Variants in HELB observed in about 807,000 individuals in gnomAD.
HELB encodes DNA 5'-3' helicase B.
Under a neutral mutation model 101.7 loss-of-function variants are expected in HELB, and 96 were observed. The observed-to-expected ratio is 0.94, with a 90% CI of 0.80 to 1.12. The LOEUF (loss-of-function observed/expected upper bound fraction) is 1.12. HELB is among the 50% of genes most tolerant of loss of function. The probability of loss-of-function intolerance (pLI) is 0.00; values close to 1 mark genes in which losing one functional copy is unlikely to be tolerated. For synonymous variants in HELB, 437 were observed against 459.7 expected (o/e 0.95, Z 0.63); for missense variants, 1,210 against 1,291.9 (o/e 0.94, Z 0.97).
chr12:66,334,798 A>C (rs1168326), intron 12 of HELB, among the ~76,000 whole-genome samples: 63,990 of 151,450 alleles, frequency 0.42, 13,902 homozygotes, highest in East Asian at 0.51. Context: ...TAAATAAATA[A>C]ATACATACAT....
At chr12:66,305,218 G>A in intron 2 of HELB, 68 bp downstream of exon 2, 1 of 939,384 alleles carries the variant, frequency 1.1e-6, no homozygotes, top group Non-Finnish European at 1.6e-6. Context: ...TGTTTAAAAT[G>A]TTACCACTAG....
At chr12:66,304,233 A>C (rs1194376350) in intron 1 of HELB, among the ~76,000 whole-genome samples, 1 of 152,256 alleles carries the variant, frequency 6.6e-6, no homozygotes, top group Non-Finnish European at 1.5e-5. Context: ...CTTAGAAGGA[A>C]TGCTAAATAG....
At chr12:66,328,273 G>T (rs2053765499) in intron 11 of HELB, among the ~76,000 whole-genome samples, 1 of 152,096 alleles carries the variant, frequency 6.6e-6, no homozygotes, top group Non-Finnish European at 1.5e-5. Context: ...TTTAAAAATG[G>T]ATACTAGGCT....
Position 66,331,460 on chromosome 12 carries a change from G to A in HELB, c.2977G>A (p.Ala993Thr), listed in dbSNP as rs774078070. The change falls in exon 12 of 13, where the codon GCC (alanine) becomes ACC (threonine). Residue 993 changes from alanine (A) to threonine (T), a missense_variant. Transcript: ENST00000247815. ...ASPLPVVTDH[A>T]MTNDVTWSEA... Reference sequence around the variant, plus strand: ...TCCACTCCCTGTAGTCACAGACCACGCCATGACAAATGATGTCACCTGGAG... The same window carrying A: ...TCCACTCCCTGTAGTCACAGACCACACCATGACAAATGATGTCACCTGGAG... 22 of 1,614,160 alleles carry A rather than the reference G, an allele frequency of 1.4e-5. No homozygotes were observed. The highest frequency in any genetic ancestry group is 1.3e-4 in the Admixed American group (8 of 60,024).
chr12:66,315,311 C>T lies in HELB; in HGVS notation c.1928C>T (p.Ser643Leu). 6.2e-7 allele frequency: 1 copy of T among 1,607,896 alleles called. No homozygotes were observed. The highest frequency in any genetic ancestry group is 8.5e-7 in the Non-Finnish European group (1 of 1,176,774). Residue 643 changes from serine (S) to leucine (L), a missense_variant, in exon 6 of 13, where the codon TCA (serine) becomes TTA (leucine). By Grantham distance (145) the Ser-to-Leu change is moderately radical. This residue lies in a region of HELB where 740 missense variants were observed against 728.8 expected (regional missense o/e 1.02). Transcript: ENST00000247815. ...AAAGATCTTTTTGAGACTCTTAAGT[C>T]AAGAAATTGTGCTATTGAGCTAAAG... Reference protein sequence around the residue: ...LLKDLFETLKSRNCAIELKTN... With the variant: ...LLKDLFETLKLRNCAIELKTN...
Position 66,324,201 on chromosome 12 carries a change from T to C in HELB, c.2516T>C (p.Phe839Ser). The C allele has an allele frequency of 1.2e-6, 2 of 1,601,364 alleles. No homozygotes were observed. Among genetic ancestry groups the C allele is most frequent in the Non-Finnish European group, 1.7e-6 (2 of 1,170,016 alleles). The change falls in exon 10 of 13, where the codon TTC (phenylalanine) becomes TCC (serine). Residue 839 changes from phenylalanine (F) to serine (S), a missense_variant. By Grantham distance (155) the Phe-to-Ser change is radical (BLOSUM62 -2). This residue lies in a region of HELB where 740 missense variants were observed against 728.8 expected (regional missense o/e 1.02). Coordinates refer to ENST00000247815, the MANE Select transcript of HELB (RefSeq NM_001370285.1). ...CGACTGTGCAATGGAGAGATATTTT[T>C]CATAACAAATGTAAGTGAAAACAGA... is the stretch of plus-strand genomic sequence containing the variant. ...NVRLCNGEIF[F>S]ITNDVTDVTF...
Position 66,306,386 on chromosome 12 carries a change from A to G in HELB, c.649A>G (p.Ile217Val), listed in dbSNP as rs2053475860. The change falls in exon 3 of 13, where the codon ATA becomes GTA. Residue 217 changes from isoleucine to valine, a missense_variant. This residue lies in a region of HELB where 470 missense variants were observed against 563.1 expected (regional missense o/e 0.83). Transcript: ENST00000247815. Reference sequence around the variant, plus strand: ...AATGACAGCTTTGCAGTTTCCGAAGATAATGGAATTCCTTCCAGTTCTTCT... The same window carrying G: ...AATGACAGCTTTGCAGTTTCCGAAGGTAATGGAATTCCTTCCAGTTCTTCT... ...NVMTALQFPK[I>V]MEFLPVLLPR... is the part of the protein sequence containing the mutation. The G allele has an allele frequency of 4.4e-6, 7 of 1,601,478 alleles. No homozygotes were observed. The East Asian group carries it at 9.0e-5, about 21-fold the overall frequency.
At chr12:66,326,047 T>C (rs2053733437) in intron 11 of HELB, among the ~76,000 whole-genome samples, 1 of 152,210 alleles carries the variant, frequency 6.6e-6, no homozygotes, top group African/African-American at 2.4e-5. Context: ...ACTATGCATA[T>C]TCGAATTGCA....
In HELB at chr12:66,322,705, G is replaced by A. The variant is rs1229890015; in HGVS notation, c.2238-19G>A. The stretch of plus-strand genomic sequence containing the variant: ...AGCAGAGACCATTAAGGTGACCCCT[G>A]CATTTTCGTGTGTTTCAGGCAAGAC... On this transcript the variant is annotated intron_variant, in intron 8 of 12. Transcript: ENST00000247815. 6.3e-7 allele frequency: 1 copy of A among 1,591,846 alleles called. No homozygotes were observed. The highest frequency in any genetic ancestry group is 8.6e-7 in the Non-Finnish European group (1 of 1,163,348).
intron 4 of HELB, among the ~76,000 whole-genome samples, chr12:66,311,085 A>G (rs902803259): frequency 6.6e-6 from 1 of 152,092 alleles, no homozygotes; most frequent in African/African-American, 2.4e-5. Flanking sequence ...AATTGTTACC[A>G]GTTTGCATGA....
chr12:66,320,610 A>T (rs1240342326), intron 7 of HELB, among the ~76,000 whole-genome samples: 2 of 152,018 alleles, frequency 1.3e-5, no homozygotes, highest in African/African-American at 2.4e-5. Context: ...ATGTACTTTT[A>T]AAAAAAATTG....
intron 12 of HELB, 149 bp from the exon 13 acceptor site, chr12:66,337,852 T>G (rs2053882946): frequency 6.7e-6 from 4 of 594,616 alleles, no homozygotes; most frequent in Non-Finnish European, 1.2e-5. Flanking sequence ...TACAAGGAGC[T>G]GATAGCCAAT....
At chr12:66,341,539 C>G (rs1044436144), downstream of HELB, 1 of 152,146 alleles carries the variant, frequency 6.6e-6, no homozygotes, top group Admixed American at 6.5e-5. Flanking sequence ...TGTAAGAATT[C>G]TTTACATTTT....
At chr12:66,328,228 A>G (rs1169697034) in intron 11 of HELB, among the ~76,000 whole-genome samples, 1 of 152,222 alleles carries the variant, frequency 6.6e-6, no homozygotes, top group Non-Finnish European at 1.5e-5. Context: ...AGCGCTGGAA[A>G]TGTGGCTAGA....
In HELB at chr12:66,324,290, G is replaced by A. The variant is rs891474550; in HGVS notation, c.2526+79G>A. On this transcript the variant is annotated intron_variant, in intron 10 of 12. Coordinates refer to ENST00000247815, the MANE Select transcript of HELB (RefSeq NM_001370285.1). ...ATTTTATTGTCCTAGGATTCATTCA[G>A]AATCTAATGATATCAGTTGACATTC... The A allele has an allele frequency of 3.0e-6, 3 of 986,918 alleles. No homozygotes were observed. In the African/African-American group the frequency reaches 4.9e-5, roughly 16 times the overall value. The allele number at this position is 986,918 out of a possible 1,614,324, so 61.1% of individuals were successfully genotyped here. A position where few individuals can be genotyped will look rare whatever the true frequency, so the allele number is the denominator to read the frequency against.
intron 6 of HELB, 60 bp from the exon 7 acceptor site, chr12:66,318,578 T>A: frequency 2.7e-6 from 4 of 1,469,970 alleles, no homozygotes; most frequent in Non-Finnish European, 9.1e-7. Context: ...GCTCTGATCA[T>A]ATATGAAGAC....
chr12:66,325,079 T>C lies in HELB; in HGVS notation c.2623T>C (p.Tyr875His). ...VTVDFKKLMK[Y>H]CRIKHAWART... is the part of the protein sequence containing the mutation. The stretch of plus-strand genomic sequence containing the variant: ...TGTGGATTTTAAGAAACTAATGAAA[T>C]ATTGTCGCATAAAACATGCATGGGC... Residue 875 changes from tyrosine to histidine, a missense_variant, in exon 11 of 13, where the codon TAT becomes CAT. Around this residue, in one of 2 missense-constraint regions of HELB, gnomAD observed 740 missense variants for 728.8 expected, o/e 1.02. Transcript: ENST00000247815. 1 of 1,613,670 alleles carries C rather than the reference T, an allele frequency of 6.2e-7. No homozygotes were observed. Among genetic ancestry groups the C allele is most frequent in the South Asian group, 1.1e-5 (1 of 91,054 alleles).
chr12:66,321,888 T>C (rs186592689), intron 7 of HELB, 60 bp from the exon 8 acceptor site: 1 of 688,468 alleles, frequency 1.5e-6, no homozygotes, highest in Non-Finnish European at 2.6e-6. Flanking sequence ...AGTTTCTTCA[T>C]AGAAATTGTG....
chr12:66,318,729 A>G lies in HELB; in HGVS notation c.2092A>G (p.Ile698Val). The G allele has an allele frequency of 2.5e-6, 4 of 1,611,266 alleles. No individual in the cohort carries two copies. Among genetic ancestry groups the G allele is most frequent in the African/African-American group, 1.3e-5 (1 of 74,896 alleles). ...LPISIQDKTF[I>V]FVRLPEEDAS... is the part of the protein sequence containing the mutation. Reference sequence around the variant, plus strand: ...CATCTCAATTCAAGATAAGACATTTATTTTTGTCAGGCTCCCAGAAGAGGA... The same window carrying G: ...CATCTCAATTCAAGATAAGACATTTGTTTTTGTCAGGCTCCCAGAAGAGGA... The change falls in exon 7 of 13, where the codon ATT becomes GTT. Residue 698 changes from isoleucine (I) to valine (V), a missense_variant. Transcript: ENST00000247815.
Sources: gnomAD v4.1 joint callset for allele counts (sites outside exome capture counted in the v4.1 genomes callset) on GRCh38, gnomAD v4.1.1 for gene constraint, gnomAD v4.1.1 regional missense constraint, MANE v1.5 for transcripts, NCBI Gene and HGNC (gene_info 2026-07-23, HGNC 2026-07-21) for gene names.